Variants in TPD52L1 observed in about 807,000 individuals in gnomAD.
TPD52L1 encodes the protein tumor protein D53.
Under a neutral mutation model 28.7 loss-of-function variants are expected in TPD52L1, and 18 were observed. That is an observed-to-expected ratio of 0.63 (90% CI 0.43 to 0.93). The LOEUF is 0.93. Ranked by LOEUF, TPD52L1 falls within the 40% of genes least tolerant of loss-of-function variation. The pLI, the probability that TPD52L1 is intolerant of heterozygous loss-of-function variation, is 0.00. For synonymous variants in TPD52L1, 75 were observed against 88.8 expected (o/e 0.84, Z 0.88); for missense variants, 203 against 254.8 (o/e 0.80, Z 1.39).
intron 1 of TPD52L1, among the ~76,000 whole-genome samples, chr6:125,216,980 A>G (rs565409614): frequency 1.3e-5 from 2 of 152,246 alleles, no homozygotes; most frequent in East Asian, 3.9e-4. Flanking sequence ...TTTGTAGGAT[A>G]ATTATTTGCC....
intron 1 of TPD52L1, among the ~76,000 whole-genome samples, chr6:125,191,811 G>A (rs921831882): frequency 6.6e-6 from 1 of 152,012 alleles, no homozygotes; most frequent in Non-Finnish European, 1.5e-5. Context: ...TCTGTTCATT[G>A]GGCACTGACA....
At chr6:125,203,191 A>G (rs1202199696) in intron 1 of TPD52L1, among the ~76,000 whole-genome samples, 1 of 152,150 alleles carries the variant, frequency 6.6e-6, no homozygotes, top group Non-Finnish European at 1.5e-5. Flanking sequence ...TAGTTTTTCT[A>G]TTCCCATTTC....
chr6:125,192,385 G>C (rs1459172339), intron 1 of TPD52L1, among the ~76,000 whole-genome samples: 1 of 151,278 alleles, frequency 6.6e-6, no homozygotes, highest in Non-Finnish European at 1.5e-5. Flanking sequence ...TGGTAGCTTA[G>C]AGCATAGTCT....
chr6:125,244,101 G>A (rs955203149), intron 3 of TPD52L1, among the ~76,000 whole-genome samples: 38 of 152,006 alleles, frequency 2.5e-4, no homozygotes, highest in African/African-American at 8.9e-4. Flanking sequence ...TTTTTTGTGT[G>A]CTGGCTTTCC....
chr6:125,163,226 T>G (rs62432186), intron 1 of TPD52L1, among the ~76,000 whole-genome samples: 3,859 of 152,274 alleles, frequency 0.025, 82 homozygotes, highest in Middle Eastern at 0.054. Flanking sequence ...CTAATTCACA[T>G]TGAGGGTGAT....
Position 125,229,115 on chromosome 6 carries a change from T to C in TPD52L1, c.136-3T>C, listed in dbSNP as rs755313422. The C allele has an allele frequency of 1.2e-6, 2 of 1,611,692 alleles. No homozygotes were observed. Among genetic ancestry groups the C allele is most frequent in the South Asian group, 2.2e-5 (2 of 90,634 alleles). On this transcript the variant is annotated splice_polypyrimidine_tract_variant and splice_region_variant and intron_variant, in intron 2 of 6. Transcript: ENST00000534000. ...CCCCCACCATTTCCCCTCCGCCTTG[T>C]AGCTAGAAGACGAAATTACAACACT...
chr6:125,217,689 C>T (rs546578), intron 1 of TPD52L1, among the ~76,000 whole-genome samples: 22,808 of 152,084 alleles, frequency 0.15, 2,096 homozygotes, highest in East Asian at 0.3. Context: ...GGGACCTCTG[C>T]CCTATGGGAT....
intron 2 of TPD52L1, 120 bp from the exon 3 acceptor site, chr6:125,228,998 T>C: frequency 3.9e-6 from 4 of 1,038,042 alleles, no homozygotes; most frequent in Non-Finnish European, 5.5e-6. Flanking sequence ...TTGGCAAACC[T>C]ACACATGGGA....
chr6:125,193,215 G>A (rs1430206711), intron 1 of TPD52L1, among the ~76,000 whole-genome samples: 1 of 152,152 alleles, frequency 6.6e-6, no homozygotes, highest in African/African-American at 2.4e-5. Context: ...TCAAGTTGGG[G>A]GGATGGAGGC....
chr6:125,223,045 T>C (rs921177958), intron 2 of TPD52L1, among the ~76,000 whole-genome samples: 2 of 152,230 alleles, frequency 1.3e-5, no homozygotes, highest in African/African-American at 4.8e-5. Flanking sequence ...CACATTCCTT[T>C]AGAGTCTGTG....
At chr6:125,185,069 T>C (rs1439002226) in intron 1 of TPD52L1, among the ~76,000 whole-genome samples, 3 of 152,166 alleles carry the variant, frequency 2.0e-5, no homozygotes, top group Non-Finnish European at 4.4e-5. Context: ...AAGAGCAATT[T>C]GTATTGGAAT....
chr6:125,209,377 C>T (rs1042439909), intron 1 of TPD52L1, among the ~76,000 whole-genome samples: 1 of 152,190 alleles, frequency 6.6e-6, no homozygotes, highest in African/African-American at 2.4e-5. Flanking sequence ...TCAGGAGACT[C>T]CGGGAAACCA....
At chr6:125,238,721 T>C (rs1250182552) in intron 3 of TPD52L1, among the ~76,000 whole-genome samples, 1 of 152,226 alleles carries the variant, frequency 6.6e-6, no homozygotes, top group Non-Finnish European at 1.5e-5. Flanking sequence ...TAGGAATATA[T>C]ATTAACTAGA....
chr6:125,240,189 A>G (rs1019245974), intron 3 of TPD52L1, among the ~76,000 whole-genome samples: 5 of 152,016 alleles, frequency 3.3e-5, no homozygotes, highest in African/African-American at 1.2e-4. Context: ...CTACGTGCCT[A>G]TTTTTATACC....
intron 1 of TPD52L1, among the ~76,000 whole-genome samples, chr6:125,206,918 T>C (rs562492621): frequency 6.6e-5 from 10 of 152,304 alleles, no homozygotes; most frequent in African/African-American, 2.2e-4. Context: ...TAAAGGGTTA[T>C]TTATTTTTCC....
Position 125,263,026 on chromosome 6 carries a change from TATCCAGATAAGAAGACCAAA to T in TPD52L1, c.*69_*88del. On this transcript the variant is annotated 3_prime_UTR_variant, in exon 7 of 7. Coordinates refer to ENST00000534000, the MANE Select transcript of TPD52L1 (RefSeq NM_003287.4). The stretch of plus-strand genomic sequence containing the variant: ...TACCCAGCCCATCTCTGCCTGTGCT[TATCCAGATAAGAAGACCAAA>T]ATCCCGCTGGGAAAAACCCAGGCCT... The T allele has an allele frequency of 6.6e-7, 1 of 1,518,930 alleles. No individual in the cohort carries two copies. The highest frequency in any genetic ancestry group is 2.3e-5 in the Admixed American group (1 of 44,008). 94.1% of individuals were successfully genotyped at this position (1,518,930 alleles called of 1,614,324 possible).
At chr6:125,202,630 ACT>A (rs2114903019) in intron 1 of TPD52L1, among the ~76,000 whole-genome samples, 1 of 152,290 alleles carries the variant, frequency 6.6e-6, no homozygotes, top group East Asian at 1.9e-4. Flanking sequence ...GAAATGAGTG[ACT>A]TTTTATTAAT....
intron 6 of TPD52L1, chr6:125,260,950 A>AAGAAAG (rs1797914265): frequency 2.6e-5 from 1 of 38,598 alleles, no homozygotes; most frequent in Non-Finnish European, 4.0e-5. Flanking sequence ...GAAAGAAAGA[A>AAGAAAG]AGAAAGAAAG....
chr6:125,186,573 C>T (rs947046230), intron 1 of TPD52L1, among the ~76,000 whole-genome samples: 1 of 152,174 alleles, frequency 6.6e-6, no homozygotes, highest in African/African-American at 2.4e-5. Context: ...TTAGATTGTG[C>T]TCTTAGAGCA....
Sources: allele counts gnomAD v4.1 joint callset (sites outside exome capture counted in the v4.1 genomes callset), GRCh38; gene constraint gnomAD v4.1.1; transcripts MANE v1.5; gene names NCBI Gene and HGNC (gene_info 2026-07-23, HGNC 2026-07-21).